The following CNTNAP2 variants were observed in gnomAD, a reference collection of about 807,000 sequenced individuals.
CNTNAP2 encodes the protein contactin associated protein 2.
Under a neutral mutation model 155.2 loss-of-function variants are expected in CNTNAP2, and 98 were observed. The ratio of observed to expected loss-of-function variants is 0.63; its 90% CI spans 0.54 to 0.75. The LOEUF is 0.75. Ranked by LOEUF, CNTNAP2 falls within the 30% of genes least tolerant of loss-of-function variation. CNTNAP2 has a pLI of 0.00. For missense variants in CNTNAP2, 1,727 were observed against 1,688.1 expected, an observed-to-expected ratio of 1.02 and a Z score of -0.40; for synonymous variants, 651 against 631.2, an observed-to-expected ratio of 1.03 and a Z score of -0.47.
chr7:148,046,893 T>C (rs1303010276), intron 15 of CNTNAP2, among the ~76,000 whole-genome samples: 1 of 152,210 alleles, frequency 6.6e-6, no homozygotes, highest in Non-Finnish European at 1.5e-5. Context: ...AAAGAGTATA[T>C]AGTATTTTTC....
At chr7:147,232,232 A>T (rs758304962) in intron 8 of CNTNAP2, among the ~76,000 whole-genome samples, 2 of 152,222 alleles carry the variant, frequency 1.3e-5, no homozygotes, top group African/African-American at 4.8e-5. Context: ...AATCAATATT[A>T]TTTAAATGTA....
intron 1 of CNTNAP2, among the ~76,000 whole-genome samples, chr7:146,152,304 T>C (rs1295770124): frequency 6.6e-6 from 1 of 152,076 alleles, no homozygotes; most frequent in Non-Finnish European, 1.5e-5. Context: ...ATATGTAGAA[T>C]GTAAAGAAGT....
At chr7:146,969,593 G>T (rs1387155636) in intron 3 of CNTNAP2, among the ~76,000 whole-genome samples, 1 of 151,866 alleles carries the variant, frequency 6.6e-6, no homozygotes, top group Non-Finnish European at 1.5e-5. Flanking sequence ...TTTGATTTTT[G>T]TTGGTTTAAA....
At chr7:146,326,609 C>T (rs1419479474) in intron 1 of CNTNAP2, among the ~76,000 whole-genome samples, 3 of 152,174 alleles carry the variant, frequency 2.0e-5, no homozygotes, top group Non-Finnish European at 4.4e-5. Flanking sequence ...GTTGATGACA[C>T]ACCACAGCCG....
Position 147,821,464 on chromosome 7 carries a change from G to A in CNTNAP2, c.2099-82101G>A, listed in dbSNP as rs1218481740. Among the ~76,000 whole-genome samples, 10 of 152,194 alleles carry A rather than the reference G, an allele frequency of 6.6e-5. No homozygotes were observed. In the South Asian group the frequency reaches 1.0e-3, roughly 16 times the overall value. On this transcript the variant is annotated intron_variant, in intron 13 of 23. Transcript: ENST00000361727. ...CATGGTATGTATATTCCAGTGGAGG[G>A]AAAACACAATAAATCATAAACAAAT...
intron 3 of CNTNAP2, among the ~76,000 whole-genome samples, chr7:146,979,839 AAAGAG>A (rs750256925): frequency 2.6e-5 from 4 of 152,210 alleles, no homozygotes; most frequent in Non-Finnish European, 5.9e-5. Flanking sequence ...GAGGACTATA[AAAGAG>A]AAGAGTAAAA....
At chr7:148,137,325 T>TA (rs1485814366) in intron 16 of CNTNAP2, among the ~76,000 whole-genome samples, 1 of 152,184 alleles carries the variant, frequency 6.6e-6, no homozygotes, top group Admixed American at 6.5e-5. Flanking sequence ...CAAAAGGCAC[T>TA]TTTATAGAAG....
chr7:147,106,162 GC>G (rs1800761647), intron 4 of CNTNAP2, among the ~76,000 whole-genome samples: 1 of 152,048 alleles, frequency 6.6e-6, no homozygotes, highest in South Asian at 2.1e-4. Flanking sequence ...ATTAAAATAT[GC>G]TAAAGGTGTA....
chr7:146,884,947 T>G (rs1795626835), intron 3 of CNTNAP2, among the ~76,000 whole-genome samples: 1 of 152,188 alleles, frequency 6.6e-6, no homozygotes, highest in African/African-American at 2.4e-5. Flanking sequence ...AAGGTAAGTC[T>G]CTACAAGCCT....
chr7:147,934,809 A>G (rs2253031), intron 14 of CNTNAP2, among the ~76,000 whole-genome samples: 106,616 of 152,020 alleles, frequency 0.7, 40,772 homozygotes, highest in Non-Finnish European at 0.85. Flanking sequence ...AAAATGAAAA[A>G]CTTGTTTTAC....
chr7:146,854,063 G>A (rs1794931792), intron 3 of CNTNAP2, among the ~76,000 whole-genome samples: 1 of 152,164 alleles, frequency 6.6e-6, no homozygotes, highest in African/African-American at 2.4e-5. Flanking sequence ...ACAGGGAGAT[G>A]AGAAGGAGGC....
Position 147,177,093 on chromosome 7 carries a change from ATTCTGTCATCTTTTCAC to A in CNTNAP2, c.1348+44588_1348+44604del, listed in dbSNP as rs1432883292. Among the ~76,000 whole-genome samples the A allele has an allele frequency of 2.7e-5, 4 of 148,754 alleles. 1 individual carries two copies. The highest frequency in any genetic ancestry group is 5.0e-5 in the African/African-American group (2 of 40,176). ...CACACGTATAATATAATAGAATCAT[ATTCTGTCATCTTTTCAC>A]TTCAGTCTATCTCTTTCTGTGTCAT... On this transcript the variant is annotated intron_variant, in intron 8 of 23. Transcript: ENST00000361727.
chr7:147,070,598 G>A (rs1237698086), intron 4 of CNTNAP2, among the ~76,000 whole-genome samples: 2 of 152,130 alleles, frequency 1.3e-5, no homozygotes, highest in Non-Finnish European at 2.9e-5. Context: ...TTTCTATATA[G>A]CCTACCTGTG....
At chr7:147,931,207 T>TG (rs753601479) in intron 14 of CNTNAP2, among the ~76,000 whole-genome samples, 1 of 124,646 alleles carries the variant, frequency 8.0e-6, no homozygotes, top group African/African-American at 2.7e-5. Context: ...ATAAACAGAG[T>TG]AAAAAAAAAA....
chr7:148,003,720 A>G (rs2527069), intron 15 of CNTNAP2, among the ~76,000 whole-genome samples: 3,079 of 152,334 alleles, frequency 0.02, 96 homozygotes, highest in African/African-American at 0.071. Context: ...AAAAAACTTC[A>G]CAATTTGTTA....
At chr7:148,118,368 CT>C (rs1487219525) in intron 16 of CNTNAP2, 80 bp downstream of exon 16, 3 of 1,459,716 alleles carry the variant, frequency 2.1e-6, no homozygotes, top group African/African-American at 1.4e-5. Context: ...TGTGGAAGGC[CT>C]TTTGATTCAA....
At chr7:148,173,442 T>G (rs1794867910) in intron 18 of CNTNAP2, among the ~76,000 whole-genome samples, 2 of 152,168 alleles carry the variant, frequency 1.3e-5, no homozygotes, top group Admixed American at 1.3e-4. Context: ...GATGAATACA[T>G]GGAGGGTTGT....
intron 1 of CNTNAP2, among the ~76,000 whole-genome samples, chr7:146,725,513 G>T (rs1563205705): frequency 6.6e-6 from 1 of 152,192 alleles, no homozygotes; most frequent in East Asian, 1.9e-4. Context: ...AGACCACCAG[G>T]TTTAAAGGAT....
intron 15 of CNTNAP2, among the ~76,000 whole-genome samples, chr7:148,040,881 C>T (rs1802662197): frequency 6.6e-6 from 1 of 151,994 alleles, no homozygotes; most frequent in African/African-American, 2.4e-5. Flanking sequence ...GTGGCTCACA[C>T]CTGTAATCCC....
Sources: gnomAD v4.1 joint callset for allele counts (sites outside exome capture counted in the v4.1 genomes callset) on GRCh38, gnomAD v4.1.1 for gene constraint, MANE v1.5 for transcripts, NCBI Gene and HGNC (gene_info 2026-07-23, HGNC 2026-07-21) for gene names.